TBC1D32: variants seen among roughly 807,000 people sequenced by gnomAD.
TBC1D32 encodes the protein TBC1 domain family member 32, also known as protein broad-minded.
A neutral mutation model predicts 170.3 loss-of-function variants in TBC1D32; 151 were observed. The observed-to-expected ratio is 0.89, with a 90% CI of 0.78 to 1.01. TBC1D32 has a LOEUF of 1.01. TBC1D32 is among the 50% of genes least tolerant of loss of function. The probability of loss-of-function intolerance (pLI) is 0.00; values close to 1 mark genes in which losing one functional copy is unlikely to be tolerated. For missense variants in TBC1D32, 1,464 were observed against 1,457.1 expected (o/e 1.00, Z -0.08); for synonymous variants, 498 against 488.0 (o/e 1.02, Z -0.27).
At chr6:121,206,590 A>G (rs1792306093) in intron 21 of TBC1D32, among the ~76,000 whole-genome samples, 1 of 152,218 alleles carries the variant, frequency 6.6e-6, no homozygotes, top group South Asian at 2.1e-4. Context: ...CAATATTAAT[A>G]CAACAACTGG....
At chr6:121,247,347 G>T (rs570645227) in intron 17 of TBC1D32, among the ~76,000 whole-genome samples, 1 of 151,366 alleles carries the variant, frequency 6.6e-6, no homozygotes, top group South Asian at 2.1e-4. Context: ...AATAAATCTT[G>T]ATATACACCA....
chr6:121,266,454 T>C (rs996668132), intron 15 of TBC1D32, among the ~76,000 whole-genome samples: 1 of 152,194 alleles, frequency 6.6e-6, no homozygotes, highest in African/African-American at 2.4e-5. Context: ...GGAATGCTTT[T>C]ACACTGTTGG....
chr6:121,193,856 C>A (rs1185062473), intron 22 of TBC1D32, among the ~76,000 whole-genome samples: 1 of 152,082 alleles, frequency 6.6e-6, no homozygotes, highest in African/African-American at 2.4e-5. Context: ...CAGACTGGAG[C>A]CAGTTTACAG....
At chr6:121,211,218 C>T (rs1370713463) in intron 21 of TBC1D32, among the ~76,000 whole-genome samples, 1 of 152,006 alleles carries the variant, frequency 6.6e-6, no homozygotes, top group Non-Finnish European at 1.5e-5. Flanking sequence ...GAGTCATCTC[C>T]AAGATAAGTA....
intron 21 of TBC1D32, among the ~76,000 whole-genome samples, chr6:121,211,832 C>G (rs543528052): frequency 1.9e-4 from 29 of 152,150 alleles, no homozygotes; most frequent in Non-Finnish European, 3.5e-4. Flanking sequence ...CTGGAGCCCC[C>G]TACTCTTCCT....
chr6:121,089,368 A>G (rs1403547376), intron 31 of TBC1D32, among the ~76,000 whole-genome samples: 1 of 152,156 alleles, frequency 6.6e-6, no homozygotes, highest in Non-Finnish European at 1.5e-5. Flanking sequence ...AAGATGTTAG[A>G]GAATTATGGG....
chr6:121,098,055 G>A (rs1777618387), intron 30 of TBC1D32, among the ~76,000 whole-genome samples: 1 of 151,816 alleles, frequency 6.6e-6, no homozygotes, highest in Non-Finnish European at 1.5e-5. Flanking sequence ...GGGGAGTGGG[G>A]GCCTAGGGGA....
chr6:121,093,716 C>T (rs1393644001), intron 30 of TBC1D32, among the ~76,000 whole-genome samples: 4 of 152,108 alleles, frequency 2.6e-5, no homozygotes, highest in African/African-American at 7.2e-5. Flanking sequence ...CATGTATATA[C>T]ATTCAAGCAT....
intron 22 of TBC1D32, among the ~76,000 whole-genome samples, chr6:121,181,590 C>G (rs1788519431): frequency 6.6e-6 from 1 of 152,012 alleles, no homozygotes; most frequent in African/African-American, 2.4e-5. Context: ...TGAGAACAGA[C>G]TAATAAACAT....
chr6:121,324,034 G>C (rs1035604101), intron 1 of TBC1D32, among the ~76,000 whole-genome samples: 30 of 152,182 alleles, frequency 2.0e-4, no homozygotes, highest in African/African-American at 7.2e-4. Flanking sequence ...CCATATGATA[G>C]GTAAAATAGA....
At chr6:121,103,247 G>A (rs1335893472) in intron 30 of TBC1D32, among the ~76,000 whole-genome samples, 1 of 151,982 alleles carries the variant, frequency 6.6e-6, no homozygotes, top group Non-Finnish European at 1.5e-5. Context: ...TATACTGAAA[G>A]GATTATAAAT....
At chr6:121,100,654 C>T (rs1162537869) in intron 30 of TBC1D32, among the ~76,000 whole-genome samples, 1 of 151,946 alleles carries the variant, frequency 6.6e-6, no homozygotes, top group Non-Finnish European at 1.5e-5. Context: ...AAAATTGACA[C>T]CCTAACATCA....
At chr6:121,139,613 T>C (rs1449205066) in intron 24 of TBC1D32, among the ~76,000 whole-genome samples, 1 of 152,174 alleles carries the variant, frequency 6.6e-6, no homozygotes, top group South Asian at 2.1e-4. Context: ...TCTTGCTAAA[T>C]TAAGGATATT....
intron 26 of TBC1D32, among the ~76,000 whole-genome samples, chr6:121,125,892 C>T (rs1376751642): frequency 7.9e-5 from 12 of 152,248 alleles, no homozygotes; most frequent in East Asian, 5.8e-4. Flanking sequence ...CCCATCACAC[C>T]GACCCAGACA....
chr6:121,229,971 G>GT (rs1795534936), intron 20 of TBC1D32, among the ~76,000 whole-genome samples: 2 of 152,054 alleles, frequency 1.3e-5, no homozygotes, highest in African/African-American at 4.8e-5. Flanking sequence ...CAGCAGCCAT[G>GT]TAAGATGTGT....
chr6:121,246,517 T>C (rs1456948037), intron 17 of TBC1D32, among the ~76,000 whole-genome samples: 2 of 151,856 alleles, frequency 1.3e-5, no homozygotes, highest in Non-Finnish European at 2.9e-5. Context: ...GCCCCAGCAA[T>C]GGATCCAAAC....
intron 30 of TBC1D32, among the ~76,000 whole-genome samples, chr6:121,101,150 C>A (rs894176051): frequency 6.6e-6 from 1 of 151,966 alleles, no homozygotes; most frequent in Non-Finnish European, 1.5e-5. Flanking sequence ...CCGAATTCTA[C>A]CAGAGGTACA....
At chr6:121,295,282 C>T (rs1805441644) in intron 10 of TBC1D32, among the ~76,000 whole-genome samples, 2 of 115,060 alleles carry the variant, frequency 1.7e-5, no homozygotes, top group African/African-American at 2.9e-5. Flanking sequence ...GCCTCTTATC[C>T]TAATTCCAAA....
intron 22 of TBC1D32, among the ~76,000 whole-genome samples, chr6:121,198,738 G>A (rs562540675): frequency 3.0e-4 from 46 of 151,264 alleles, no homozygotes; most frequent in Admixed American, 2.8e-3. Flanking sequence ...GCGACAGAGC[G>A]AGACTCTTGT....
Sources: gnomAD v4.1 joint callset for allele counts (sites outside exome capture counted in the v4.1 genomes callset) on GRCh38, gnomAD v4.1.1 for gene constraint, MANE v1.5 for transcripts, NCBI Gene and HGNC (gene_info 2026-07-23, HGNC 2026-07-21) for gene names.